RETREG1: variants seen among roughly 807,000 people sequenced by gnomAD.
RETREG1 encodes the protein reticulophagy regulator 1.
Under a neutral mutation model 54.8 loss-of-function variants are expected in RETREG1, and 44 were observed. The observed-to-expected ratio is 0.80, with a 90% CI of 0.63 to 1.03. The LOEUF (loss-of-function observed/expected upper bound fraction) is 1.03. Ranked by LOEUF, RETREG1 falls within the 50% of genes least tolerant of loss-of-function variation. The pLI is 0.00. For missense variants in RETREG1, 554 were observed against 605.1 expected (o/e 0.92, Z 0.89); for synonymous variants, 217 against 238.5 (o/e 0.91, Z 0.83).
At chr5:16,616,505 G>T (rs1004609692) in intron 1 of RETREG1, 147 bp downstream of exon 1, 1 of 1,366,252 alleles carries the variant, frequency 7.3e-7, no homozygotes, top group Non-Finnish European at 9.8e-7. Flanking sequence ...CTACCTGTTC[G>T]AGACAGGTGG....
In RETREG1 at chr5:16,478,834, TA is replaced by T. The variant is rs761822553; in HGVS notation, c.808+15del. On this transcript the variant is annotated intron_variant, in intron 6 of 8. Transcript: ENST00000306320. ...CTCATTTCATGCATAGAATCTAAAA[TA>T]TAAACTTTACCTACCAGATCTCTCA... 1 of 1,609,428 alleles carries T rather than the reference TA, an allele frequency of 6.2e-7. No homozygotes were observed. The highest frequency in any genetic ancestry group is 1.7e-5 in the Admixed American group (1 of 59,874).
chr5:16,544,764 T>G (rs1402059564), intron 3 of RETREG1, among the ~76,000 whole-genome samples: 2 of 152,218 alleles, frequency 1.3e-5, no homozygotes, highest in Non-Finnish European at 2.9e-5. Context: ...CTCTCTGCTT[T>G]GTTCCACTGA....
intron 4 of RETREG1, among the ~76,000 whole-genome samples, chr5:16,482,606 AT>A (rs760033366): frequency 4.2e-4 from 64 of 152,212 alleles, no homozygotes; most frequent in Admixed American, 1.2e-3. Flanking sequence ...GAGATTTTCA[AT>A]GCTGACATTC....
intron 3 of RETREG1, among the ~76,000 whole-genome samples, chr5:16,483,760 G>C (rs1352250438): frequency 2.6e-5 from 4 of 152,050 alleles, no homozygotes; most frequent in Non-Finnish European, 1.5e-5. Context: ...ACTCAGATAT[G>C]GGATGGATCA....
At position 16,483,361 on chromosome 5, in the gene RETREG1, C is replaced by T. The variant is rs1347729442; in HGVS notation, c.570G>A (p.Gln190=). Residue 190 remains glutamine (Q), a synonymous_variant, in exon 4 of 9, where the codon CAG becomes CAA. Transcript: ENST00000306320. The stretch of plus-strand genomic sequence containing the variant: ...GAAAACTTGCCTTGCCAGGGCTCTG[C>T]TGTTTAAAAAGAGACATTTCTTGAA... The part of the protein sequence containing the change: ...IFLQEMSLFK[Q]QSPGKFCLLV... The T allele has an allele frequency of 6.2e-7, 1 of 1,613,244 alleles. No individual in the cohort carries two copies. Among genetic ancestry groups the T allele is most frequent in the Admixed American group, 1.7e-5 (1 of 59,986 alleles).
intron 3 of RETREG1, among the ~76,000 whole-genome samples, chr5:16,540,359 C>T (rs943236190): frequency 2.6e-5 from 4 of 152,182 alleles, no homozygotes; most frequent in Non-Finnish European, 5.9e-5. Context: ...ACTGATAAAG[C>T]AATGAGTGGG....
Position 16,479,845 on chromosome 5 carries a change from T to C in RETREG1, c.671-858A>G, listed in dbSNP as rs576760540. Among the ~76,000 whole-genome samples, 89 of 152,184 alleles carry C rather than the reference T, an allele frequency of 5.8e-4. No individual in the cohort carries two copies. The South Asian group carries it at 0.01, about 17-fold the overall frequency. On this transcript the variant is annotated intron_variant, in intron 5 of 8. Transcript: ENST00000306320. Reference sequence around the variant, plus strand: ...AATTGTATGTAAATTTTAAAGTCCATTGTAAGAAAAATTGGAAAATATGGG... The same window carrying C: ...AATTGTATGTAAATTTTAAAGTCCACTGTAAGAAAAATTGGAAAATATGGG...
At chr5:16,494,665 G>A (rs752771176) in intron 3 of RETREG1, among the ~76,000 whole-genome samples, 1 of 152,188 alleles carries the variant, frequency 6.6e-6, no homozygotes, top group Admixed American at 6.5e-5. Context: ...GCTTCCTGTA[G>A]AGCCTGCAGA....
intron 1 of RETREG1, among the ~76,000 whole-genome samples, chr5:16,592,717 TAA>T (rs3993837): frequency 0.4 from 59,883 of 149,202 alleles, 12,768 homozygotes; most frequent in Non-Finnish European, 0.49. Flanking sequence ...TATGCAGCCA[TAA>T]AAAAAAAAAT....
At chr5:16,554,831 A>G (rs549163064) in intron 3 of RETREG1, among the ~76,000 whole-genome samples, 41 of 152,310 alleles carry the variant, frequency 2.7e-4, no homozygotes, top group African/African-American at 9.9e-4. Context: ...AACAAAACTT[A>G]CTGGTATAAC....
chr5:16,518,379 T>G (rs1740428140), intron 3 of RETREG1, among the ~76,000 whole-genome samples: 1 of 150,020 alleles, frequency 6.7e-6, no homozygotes. Context: ...GGGGAGAGGA[T>G]GGGTGAAGGG....
intron 1 of RETREG1, among the ~76,000 whole-genome samples, chr5:16,602,942 A>T (rs1579723466): frequency 6.6e-6 from 1 of 152,298 alleles, no homozygotes; most frequent in Non-Finnish European, 1.5e-5. Flanking sequence ...TGGGAGGAGG[A>T]GGTTGCGGTG....
chr5:16,550,268 TA>T (rs1403135515), intron 3 of RETREG1, among the ~76,000 whole-genome samples: 1 of 73,022 alleles, frequency 1.4e-5, no homozygotes, highest in Non-Finnish European at 4.2e-5. Context: ...CCCTCCTCTT[TA>T]AAATTTAAAA....
At chr5:16,497,788 C>T (rs1037230937) in intron 3 of RETREG1, among the ~76,000 whole-genome samples, 1 of 152,148 alleles carries the variant, frequency 6.6e-6, no homozygotes, top group Non-Finnish European at 1.5e-5. Context: ...GCCTCATGAT[C>T]CTATTAGAGC....
chr5:16,565,127 G>T (rs554086607), intron 3 of RETREG1, among the ~76,000 whole-genome samples: 1 of 152,300 alleles, frequency 6.6e-6, no homozygotes, highest in Admixed American at 6.5e-5. Context: ...CCAGTTGGTA[G>T]AGTGCACTGT....
chr5:16,518,097 A>C (rs1740415728), intron 3 of RETREG1, among the ~76,000 whole-genome samples: 1 of 148,374 alleles, frequency 6.7e-6, no homozygotes, highest in South Asian at 2.1e-4. Flanking sequence ...ATGTATATTT[A>C]TATATAATCA....
intron 1 of RETREG1, among the ~76,000 whole-genome samples, chr5:16,608,321 TC>T (rs1248915236): frequency 1.3e-5 from 2 of 152,102 alleles, no homozygotes; most frequent in African/African-American, 4.8e-5. Context: ...TAATTATCTG[TC>T]CCCAAAACAG....
chr5:16,559,542 G>A (rs1328167640), intron 3 of RETREG1, among the ~76,000 whole-genome samples: 1 of 152,166 alleles, frequency 6.6e-6, no homozygotes, highest in Non-Finnish European at 1.5e-5. Flanking sequence ...CAGGTTTCAA[G>A]CTTTAGATGC....
chr5:16,589,076 CTTT>C (rs1742690283), intron 1 of RETREG1, among the ~76,000 whole-genome samples: 3 of 152,290 alleles, frequency 2.0e-5, no homozygotes, highest in South Asian at 4.1e-4. Context: ...ACAGACATTC[CTTT>C]AGTATCTAGA....
Sources: allele counts gnomAD v4.1 joint callset (sites outside exome capture counted in the v4.1 genomes callset), GRCh38; gene constraint gnomAD v4.1.1; transcripts MANE v1.5; gene names NCBI Gene and HGNC (gene_info 2026-07-23, HGNC 2026-07-21).